The following FAHD2A variants were observed in gnomAD, a reference collection of about 807,000 sequenced individuals.
The protein encoded by FAHD2A is oxaloacetate tautomerase FAHD2A, mitochondrial.
In FAHD2A, 27 loss-of-function variants were observed where a neutral mutation model predicts 33.4. That is an observed-to-expected ratio of 0.81 (90% confidence interval 0.60 to 1.11). The LOEUF (loss-of-function observed/expected upper bound fraction) is 1.11, where lower values mean the gene tolerates loss of function less well. Among genes scored for constraint, FAHD2A ranks in the 50% most tolerant of loss-of-function variants. FAHD2A has a pLI of 0.00. For synonymous variants in FAHD2A, 130 were observed against 153.3 expected, an observed-to-expected ratio of 0.85 and a Z score of 1.12; for missense variants, 296 against 395.0, an observed-to-expected ratio of 0.75 and a Z score of 2.12.
At chr2:95,411,320 A>G (rs1682463341) in intron 5 of FAHD2A, among the ~76,000 whole-genome samples, 1 of 152,218 alleles carries the variant, frequency 6.6e-6, no homozygotes, top group Admixed American at 6.5e-5. Context: ...GCCACCTCTG[A>G]AACAATCTAA....
chr2:95,406,869 G>C (rs1681650451), intron 2 of FAHD2A, 72 bp from the exon 3 acceptor site: 1 of 1,488,510 alleles, frequency 6.7e-7, no homozygotes, highest in African/African-American at 1.4e-5. Context: ...GCTGCTGCAG[G>C]ATCTGCCCAG....
chr2:95,418,299 A>G (rs1166802282), downstream of FAHD2A, among the ~76,000 whole-genome samples: 2 of 151,800 alleles, frequency 1.3e-5, no homozygotes, highest in East Asian at 3.9e-4. Flanking sequence ...TGTACTTGGG[A>G]TACATGGGGA....
At chr2:95,408,299 G>T (rs1024025124) in intron 3 of FAHD2A, among the ~76,000 whole-genome samples, 1 of 151,982 alleles carries the variant, frequency 6.6e-6, no homozygotes, top group Non-Finnish European at 1.5e-5. Context: ...TGGTTACTTC[G>T]TTTGTTGCTC....
chr2:95,417,099 C>G (rs747177948), downstream of FAHD2A, among the ~76,000 whole-genome samples: 7 of 152,322 alleles, frequency 4.6e-5, no homozygotes, highest in Admixed American at 2.6e-4. Context: ...ATGATGCAAT[C>G]TTTTCTAAAA....
At position 95,414,385 on chromosome 2, in the gene FAHD2A, A is replaced by G; in HGVS notation, c.*1428A>G. On this transcript the variant is annotated 3_prime_UTR_variant, in exon 8 of 8. Transcript: ENST00000233379. ...TGAAGATGTGGAGCTGGGAAAACAG[A>G]GGATGTGGTGGGATGGGGAAGGAAA... 1.5e-6 allele frequency: 1 copy of G among 658,142 alleles called. No homozygotes were observed. Among genetic ancestry groups the G allele is most frequent in the African/African-American group, 1.8e-5 (1 of 55,426 alleles). The allele number at this position is 658,142 out of a possible 1,614,324, so 40.8% of individuals were successfully genotyped here. A position where few individuals can be genotyped will look rare whatever the true frequency, so the allele number is the denominator to read the frequency against.
rs781592710 is a variant in FAHD2A at position 95,410,510 on chromosome 2, C to T, written c.463-17C>T. On this transcript the variant is annotated splice_polypyrimidine_tract_variant and intron_variant, in intron 3 of 7. Transcript: ENST00000233379. Reference sequence around the variant, plus strand: ...CCTGAAGCCACTGCAGCTCACTGTTCCTCTCCCACCCTACAGGAGGTAGAT... The same window carrying T: ...CCTGAAGCCACTGCAGCTCACTGTTTCTCTCCCACCCTACAGGAGGTAGAT... 6.2e-6 allele frequency: 10 copies of T among 1,602,760 alleles called. No homozygotes were observed. In the African/African-American group the frequency reaches 6.7e-5, roughly 11 times the overall value.
rs747907657 is a variant in FAHD2A at position 95,412,460 on chromosome 2, C to G, written c.712C>G (p.Arg238Gly). 3.7e-6 allele frequency: 6 copies of G among 1,613,878 alleles called. No homozygotes were observed. Among genetic ancestry groups the G allele is most frequent in the Non-Finnish European group, 5.1e-6 (6 of 1,179,848 alleles). ...TCCACACAACTTAAAGATCTGCTGCCGAGTGAATGGGGAAGTGGTCCAGAG... is the reference window on the plus strand; with the variant it reads ...TCCACACAACTTAAAGATCTGCTGCGGAGTGAATGGGGAAGTGGTCCAGAG... ...ADPHNLKICC[R>G]VNGEVVQSGN... The change falls in exon 6 of 8, where the codon CGA (arginine) becomes GGA (glycine). Residue 238 changes from arginine (R) to glycine (G), a missense_variant. By Grantham distance (125) the Arg-to-Gly change is moderately radical (BLOSUM62 -2). Transcript: ENST00000233379.
At chr2:95,420,496 C>A (rs534953895), downstream of FAHD2A, among the ~76,000 whole-genome samples, 59 of 151,768 alleles carry the variant, frequency 3.9e-4, no homozygotes, top group Admixed American at 1.2e-3. Flanking sequence ...TCATCCAGTC[C>A]CCATTCACCA....
intron 3 of FAHD2A, among the ~76,000 whole-genome samples, chr2:95,410,297 C>T: frequency 6.6e-6 from 1 of 152,216 alleles, no homozygotes; most frequent in East Asian, 1.9e-4. Context: ...GGTGTGGGGA[C>T]CTGTGCCTGC....
At chr2:95,408,400 G>C (rs1681961756) in intron 3 of FAHD2A, among the ~76,000 whole-genome samples, 1 of 152,088 alleles carries the variant, frequency 6.6e-6, no homozygotes. Flanking sequence ...TTCTTAAAGG[G>C]CTGTATTAGT....
chr2:95,415,015 C>T lies in FAHD2A; in HGVS notation c.*2058C>T, dbSNP rs1683022396. The T allele has an allele frequency of 6.6e-6, 1 of 152,240 alleles. No individual in the cohort carries two copies. Among genetic ancestry groups the T allele is most frequent in the Non-Finnish European group, 1.5e-5 (1 of 68,060 alleles). 9.4% of individuals were successfully genotyped at this position (152,240 alleles called of 1,614,324 possible). A position where few individuals can be genotyped will look rare whatever the true frequency, so the allele number is the denominator to read the frequency against. ...CTCATCCTCACACCCAGCTATACCACACCCCACAAATGTTGCTTATGTTTC... is the reference window on the plus strand; with the variant it reads ...CTCATCCTCACACCCAGCTATACCATACCCCACAAATGTTGCTTATGTTTC... On this transcript the variant is annotated 3_prime_UTR_variant, in exon 8 of 8. Coordinates refer to ENST00000233379, the MANE Select transcript of FAHD2A (RefSeq NM_016044.3).
Position 95,413,358 on chromosome 2 carries a change from T to C in FAHD2A, c.*401T>C. On this transcript the variant is annotated 3_prime_UTR_variant, in exon 8 of 8. Transcript: ENST00000233379. ...AAGCCTCAATGATTATATTTATAGC[T>C]AAGGGTTTGCAGCCTCCTCTCCATC... 1 of 1,530,066 alleles carries C rather than the reference T, an allele frequency of 6.5e-7. No individual in the cohort carries two copies. Among genetic ancestry groups the C allele is most frequent in the Non-Finnish European group, 8.8e-7 (1 of 1,142,840 alleles). 94.8% of individuals were successfully genotyped at this position (1,530,066 alleles called of 1,614,324 possible). A position where few individuals can be genotyped will look rare whatever the true frequency, so the allele number is the denominator to read the frequency against.
downstream of FAHD2A, among the ~76,000 whole-genome samples, chr2:95,419,399 G>A (rs1234864821): frequency 1.3e-5 from 2 of 151,964 alleles, no homozygotes; most frequent in African/African-American, 2.4e-5. Flanking sequence ...TCAAAACAAT[G>A]GAAGGATGGT....
chr2:95,417,607 A>G (rs1683245317), downstream of FAHD2A, among the ~76,000 whole-genome samples: 5 of 152,124 alleles, frequency 3.3e-5, no homozygotes, highest in South Asian at 1.0e-3. Flanking sequence ...TTCTATAACA[A>G]AAATACTATA....
At chr2:95,419,870 T>G (rs1003685865), downstream of FAHD2A, among the ~76,000 whole-genome samples, 1 of 151,862 alleles carries the variant, frequency 6.6e-6, no homozygotes, top group African/African-American at 2.4e-5. Flanking sequence ...GAGACAGATT[T>G]ATTATAAGGA....
Position 95,410,862 on chromosome 2 carries a change from A to C in FAHD2A, c.523-2A>C. ...GTATGGCCAAATCCCCTGCCCCCAT[A>C]GGCCACAGATGCTATGGCCCACGTG... On this transcript the variant is annotated splice_acceptor_variant, in intron 4 of 7. Transcript: ENST00000233379. LOFTEE classifies it high-confidence loss of function. 9 of 1,613,904 alleles carry C rather than the reference A, an allele frequency of 5.6e-6. No homozygotes were observed. The highest frequency in any genetic ancestry group is 7.6e-6 in the Non-Finnish European group (9 of 1,179,822).
chr2:95,409,326 T>C (rs766341144), intron 3 of FAHD2A, among the ~76,000 whole-genome samples: 1 of 152,176 alleles, frequency 6.6e-6, no homozygotes, highest in Non-Finnish European at 1.5e-5. Context: ...ATGACCTTTT[T>C]TTTTTTTGAG....
intron 3 of FAHD2A, among the ~76,000 whole-genome samples, chr2:95,408,803 T>A (rs1258374659): frequency 7.2e-5 from 11 of 152,212 alleles, no homozygotes; most frequent in Non-Finnish European, 1.5e-5. Flanking sequence ...TTGCGTGTCA[T>A]ATGTTCTGTT....
At position 95,407,175 on chromosome 2, in the gene FAHD2A, G is replaced by A; in HGVS notation, c.462+18G>A. The A allele has an allele frequency of 1.9e-6, 3 of 1,611,916 alleles. No individual in the cohort carries two copies. Among genetic ancestry groups the A allele is most frequent in the Non-Finnish European group, 2.5e-6 (3 of 1,179,786 alleles). ...AGAGCCAGGTCAGTGTCTCCCCACTGCCCTCCCTAGTCACTGGGCCCATCA... is the reference window on the plus strand; with the variant it reads ...AGAGCCAGGTCAGTGTCTCCCCACTACCCTCCCTAGTCACTGGGCCCATCA... On this transcript the variant is annotated intron_variant, in intron 3 of 7. Transcript: ENST00000233379.
Sources: allele counts gnomAD v4.1 joint callset (sites outside exome capture counted in the v4.1 genomes callset), GRCh38; gene constraint gnomAD v4.1.1; transcripts MANE v1.5; gene names NCBI Gene and HGNC (gene_info 2026-07-23, HGNC 2026-07-21).